RRAGD: variants seen among roughly 807,000 people sequenced by gnomAD.
RRAGD encodes Ras related GTP binding D, also known as ras-related GTP-binding protein D.
A neutral mutation model predicts 35.5 loss-of-function variants in RRAGD; 12 were observed. That is an observed-to-expected ratio of 0.34 (90% CI 0.22 to 0.55). The LOEUF is 0.55. Among genes scored for constraint, RRAGD ranks in the 20% least tolerant of loss-of-function variants. RRAGD has a pLI of 0.91. For missense variants in RRAGD, 324 were observed against 490.1 expected (o/e 0.66, Z 3.20); for synonymous variants, 155 against 178.9 (o/e 0.87, Z 1.07).
intron 2 of RRAGD, among the ~76,000 whole-genome samples, chr6:89,384,959 C>T (rs956209415): frequency 6.6e-6 from 1 of 151,874 alleles, no homozygotes; most frequent in Admixed American, 6.6e-5. Flanking sequence ...GAGGTTGAAA[C>T]AGTAGGATCA....
chr6:89,377,069 T>C (rs544814349), intron 5 of RRAGD, among the ~76,000 whole-genome samples: 1 of 152,376 alleles, frequency 6.6e-6, no homozygotes, highest in East Asian at 1.9e-4. Context: ...ATATTCTTTC[T>C]TATAATTTCT....
Position 89,411,555 on chromosome 6 carries a change from G to A in RRAGD, c.148+291C>T. ...AGAGCTTGGGGTGAGGGGCGCGGGA[G>A]GCACCGGCTCTGAAAGGGGCAGAAG... On this transcript the variant is annotated intron_variant, in intron 1 of 6. Transcript: ENST00000369415. This position sits in a 1 kb window ranked among gnomAD's most constrained non-coding sequence, Gnocchi z 5.6. 1 of 411,200 alleles carries A rather than the reference G, an allele frequency of 2.4e-6. No homozygotes were observed. Among genetic ancestry groups the A allele is most frequent in the East Asian group, 4.9e-5 (1 of 20,516 alleles). 25.5% of individuals were successfully genotyped at this position (411,200 alleles called of 1,614,324 possible). A position where few individuals can be genotyped will look rare whatever the true frequency, so the allele number is the denominator to read the frequency against.
At chr6:89,409,989 T>A (rs2127900378) in intron 1 of RRAGD, among the ~76,000 whole-genome samples, 1 of 152,370 alleles carries the variant, frequency 6.6e-6, no homozygotes, top group East Asian at 1.9e-4. Context: ...GATTTTATTA[T>A]GCGAGTCACC....
intron 1 of RRAGD, among the ~76,000 whole-genome samples, chr6:89,405,964 G>A (rs997713628): frequency 7.2e-5 from 11 of 152,158 alleles, no homozygotes; most frequent in African/African-American, 2.4e-4. Flanking sequence ...AAATCACGAA[G>A]ATTCACTGTC....
intron 1 of RRAGD, among the ~76,000 whole-genome samples, chr6:89,388,666 G>C (rs76667024): frequency 0.032 from 4,894 of 152,240 alleles, 308 homozygotes; most frequent in East Asian, 0.27. Context: ...TTTTTCCAGG[G>C]ACCAGTGGGA....
intron 2 of RRAGD, among the ~76,000 whole-genome samples, chr6:89,386,804 T>A (rs1769143807): frequency 1.3e-5 from 2 of 152,202 alleles, no homozygotes; most frequent in African/African-American, 4.8e-5. Flanking sequence ...GATATTTATC[T>A]CAAATTTTAC....
intron 3 of RRAGD, among the ~76,000 whole-genome samples, chr6:89,379,544 A>T (rs910946504): frequency 6.6e-6 from 1 of 152,172 alleles, no homozygotes; most frequent in Non-Finnish European, 1.5e-5. Context: ...GCCTATTCTC[A>T]TCTGCTGTGC....
chr6:89,377,661 T>C lies in RRAGD; in HGVS notation c.902+10A>G. 1.3e-6 allele frequency: 2 copies of C among 1,563,324 alleles called. No individual in the cohort carries two copies. The highest frequency in any genetic ancestry group is 1.7e-6 in the Non-Finnish European group (2 of 1,159,296). On this transcript the variant is annotated intron_variant, in intron 5 of 6. Transcript: ENST00000369415. The stretch of plus-strand genomic sequence containing the variant: ...GGCTTGATTGTGGCCTTTAAGAATG[T>C]TGTACTTACCCATAAATACAAGAGA...
intron 1 of RRAGD, among the ~76,000 whole-genome samples, chr6:89,410,776 T>C (rs1253156172): frequency 6.6e-6 from 1 of 152,228 alleles, no homozygotes; most frequent in Admixed American, 6.5e-5. Context: ...ATAGAGAATT[T>C]AAAATAAGTT....
chr6:89,377,623 A>G (rs772055042), intron 5 of RRAGD, 48 bp downstream of exon 5: 2 of 1,479,812 alleles, frequency 1.4e-6, no homozygotes, highest in Non-Finnish European at 9.0e-7. Context: ...CTGAAAGGTT[A>G]TGAAGGAAGG....
At chr6:89,410,432 G>C (rs987003143) in intron 1 of RRAGD, among the ~76,000 whole-genome samples, 2 of 152,208 alleles carry the variant, frequency 1.3e-5, no homozygotes, top group African/African-American at 2.4e-5. Context: ...TGAGGCGACT[G>C]AACAATTTAA....
At position 89,390,194 on chromosome 6, in the gene RRAGD, T is replaced by C. The variant is rs796859499; in HGVS notation, c.149-2604A>G. Among the ~76,000 whole-genome samples, 6 of 152,054 alleles carry C rather than the reference T, an allele frequency of 3.9e-5. No individual in the cohort carries two copies. In the East Asian group the frequency reaches 1.2e-3, roughly 29 times the overall value. On this transcript the variant is annotated intron_variant, in intron 1 of 6. Coordinates refer to ENST00000369415, the MANE Select transcript of RRAGD (RefSeq NM_021244.5). ...CACAAGCAACAGAAAAAAAAACAGA[T>C]AAACTGGACTTCATCAAAAATTTTA... is the stretch of plus-strand genomic sequence containing the variant.
At chr6:89,397,594 A>G (rs111462512) in intron 1 of RRAGD, among the ~76,000 whole-genome samples, 1 of 148,730 alleles carries the variant, frequency 6.7e-6, no homozygotes. Context: ...ACAGAGCGAG[A>G]CTCCGTCTCA....
intron 5 of RRAGD, among the ~76,000 whole-genome samples, chr6:89,376,240 G>C (rs931611907): frequency 6.6e-6 from 1 of 152,056 alleles, no homozygotes; most frequent in Non-Finnish European, 1.5e-5. Context: ...GGCACGTTAT[G>C]AGCCTAATGA....
At position 89,387,545 on chromosome 6, in the gene RRAGD, A is replaced by C; in HGVS notation, c.194T>G (p.Ile65Ser). The part of the protein sequence containing the change: ...DPFSTEVKPR[I>S]LLMGLRRSGK... ...GCTTCTCCTCAGGCCCATGAGCAGG[A>C]TTCTCGGCTTCACTTCAGTGCTGAA... The change falls in exon 2 of 7, where the codon ATC becomes AGC. Residue 65 changes from isoleucine (I) to serine (S), a missense_variant. Coordinates refer to ENST00000369415, the MANE Select transcript of RRAGD (RefSeq NM_021244.5). 1 of 1,614,124 alleles carries C rather than the reference A, an allele frequency of 6.2e-7. No homozygotes were observed. The highest frequency in any genetic ancestry group is 1.1e-5 in the South Asian group (1 of 91,068).
At chr6:89,377,846 AAC>A (rs773548314) in intron 4 of RRAGD, 33 bp from the exon 5 acceptor site, 1 of 1,561,286 alleles carries the variant, frequency 6.4e-7, no homozygotes, top group South Asian at 1.2e-5. Context: ...GCCTTAAAGC[AAC>A]AGTCAACTTC....
intron 1 of RRAGD, among the ~76,000 whole-genome samples, chr6:89,394,295 T>G (rs1769291499): frequency 1.3e-5 from 2 of 150,956 alleles, no homozygotes; most frequent in Admixed American, 6.6e-5. Context: ...AAAAGAGAAG[T>G]GAAAAAAAAT....
intron 1 of RRAGD, among the ~76,000 whole-genome samples, chr6:89,392,362 C>A (rs1459527789): frequency 6.6e-6 from 1 of 151,832 alleles, no homozygotes; most frequent in Non-Finnish European, 1.5e-5. Flanking sequence ...CAGCTGTCAT[C>A]CCAGCCATTT....
At chr6:89,390,948 C>T (rs572900414) in intron 1 of RRAGD, among the ~76,000 whole-genome samples, 1 of 152,022 alleles carries the variant, frequency 6.6e-6, no homozygotes, top group African/African-American at 2.4e-5. Flanking sequence ...TTCCACTCCT[C>T]CAAATATACC....
Sources: allele counts gnomAD v4.1 joint callset (sites outside exome capture counted in the v4.1 genomes callset), GRCh38; gene constraint gnomAD v4.1.1; non-coding constraint Gnocchi (gnomAD v3.1); transcripts MANE v1.5; gene names NCBI Gene and HGNC (gene_info 2026-07-23, HGNC 2026-07-21).